PRMT7: variants seen among roughly 807,000 people sequenced by gnomAD.
PRMT7 encodes the protein protein arginine methyltransferase 7.
In PRMT7, 75 loss-of-function variants were observed where a neutral mutation model predicts 85.4. The observed-to-expected ratio is 0.88, with a 90% CI of 0.73 to 1.06. The LOEUF (loss-of-function observed/expected upper bound fraction) is 1.06. PRMT7 is among the 50% of genes least tolerant of loss of function. PRMT7 has a pLI of 0.00. For missense variants in PRMT7, 868 were observed against 915.2 expected (o/e 0.95, Z 0.67); for synonymous variants, 397 against 359.5 (o/e 1.10, Z -1.18).
chr16:68,329,896 CACAT>C (rs1393776386), intron 6 of PRMT7, among the ~76,000 whole-genome samples: 4 of 151,846 alleles, frequency 2.6e-5, no homozygotes, highest in Non-Finnish European at 4.4e-5. Context: ...CACACACACA[CACAT>C]ATTTTTTTTT....
At chr16:68,353,254 C>T (rs1430446486) in intron 15 of PRMT7, 2 of 736,174 alleles carry the variant, frequency 2.7e-6, no homozygotes. Flanking sequence ...AGCCTAGGAG[C>T]TCTGGCCGAC....
intron 4 of PRMT7, chr16:68,324,348 G>C (rs1032906199): frequency 3.1e-6 from 1 of 323,256 alleles, no homozygotes; most frequent in Non-Finnish European, 5.8e-6. Flanking sequence ...AAAGGAGCAA[G>C]CCTGCTCTGT....
chr16:68,326,038 T>TTTATTTTTAATTAAATTA (rs1217686473), intron 5 of PRMT7, among the ~76,000 whole-genome samples: 1 of 152,192 alleles, frequency 6.6e-6, no homozygotes, highest in Non-Finnish European at 1.5e-5. Context: ...AATTAAAAAT[T>TTTATTTTTAATTAAATTA]AAACATGTTA....
chr16:68,311,589 A>C (rs567671208), intron 1 of PRMT7: 1 of 152,630 alleles, frequency 6.6e-6, no homozygotes, highest in African/African-American at 2.4e-5. Context: ...CGCCTTTCCG[A>C]AGTCGACAAG....
At chr16:68,331,075 C>T (rs895425014) in intron 6 of PRMT7, among the ~76,000 whole-genome samples, 2 of 152,128 alleles carry the variant, frequency 1.3e-5, no homozygotes, top group African/African-American at 2.4e-5. Context: ...TCCATCATGC[C>T]CAAAGAGATT....
In PRMT7 at chr16:68,352,560, G is replaced by A. The variant is rs2087572402; in HGVS notation, c.1575+151G>A. 7.9e-6 allele frequency: 5 copies of A among 631,328 alleles called. No individual in the cohort carries two copies. The South Asian group carries it at 1.4e-4, about 17-fold the overall frequency. 39.1% of individuals were successfully genotyped at this position (631,328 alleles called of 1,614,324 possible). On this transcript the variant is annotated intron_variant, in intron 15 of 18. Transcript: ENST00000441236. The stretch of plus-strand genomic sequence containing the variant: ...TTCTGTGTCAGCACACTGTGGGGTT[G>A]AATAGAAGATGCTTGCCTTTTAAAA...
At chr16:68,353,662 T>C (rs2087778419) in intron 16 of PRMT7, 96 bp downstream of exon 16, 3 of 1,215,720 alleles carry the variant, frequency 2.5e-6, no homozygotes, top group Admixed American at 5.7e-5. Flanking sequence ...GCTCTTCTGT[T>C]GGGGGCAGTG....
intron 16 of PRMT7, among the ~76,000 whole-genome samples, chr16:68,353,867 T>G (rs976054426): frequency 6.6e-6 from 1 of 152,198 alleles, no homozygotes; most frequent in Non-Finnish European, 1.5e-5. Flanking sequence ...GGGAACCTTC[T>G]TAGGCAGCCA....
chr16:68,352,155 G>T, intron 14 of PRMT7, 93 bp from the exon 15 acceptor site: 1 of 1,367,904 alleles, frequency 7.3e-7, no homozygotes. Context: ...AGTGACTTGA[G>T]TGACTGAGTG....
chr16:68,348,734 C>T (rs957056317), intron 14 of PRMT7, among the ~76,000 whole-genome samples: 3 of 149,780 alleles, frequency 2.0e-5, no homozygotes, highest in African/African-American at 7.4e-5. Context: ...CCTCGACCTT[C>T]CAGCCTCAAG....
chr16:68,334,609 A>G (rs2084380734), intron 6 of PRMT7, among the ~76,000 whole-genome samples: 1 of 152,140 alleles, frequency 6.6e-6, no homozygotes, highest in Non-Finnish European at 1.5e-5. Context: ...GAGCCAACCC[A>G]GGGAGCAGCG....
chr16:68,345,567 A>G, intron 9 of PRMT7, 108 bp from the exon 10 acceptor site: 2 of 1,485,488 alleles, frequency 1.3e-6, no homozygotes, highest in African/African-American at 1.4e-5. Context: ...GCTGTAGTCT[A>G]CATTGTGGAC....
At chr16:68,353,335 A>G (rs1018160766) in intron 15 of PRMT7, 157 bp from the exon 16 acceptor site, 103 of 1,450,644 alleles carry the variant, frequency 7.1e-5, no homozygotes, top group Non-Finnish European at 1.4e-5. Flanking sequence ...AGTCTGTTAC[A>G]GAAACCGTTG....
intron 13 of PRMT7, 90 bp downstream of exon 13, chr16:68,347,768 AAGG>A: frequency 1.6e-6 from 2 of 1,257,754 alleles, no homozygotes; most frequent in Non-Finnish European, 2.3e-6. Flanking sequence ...CAGGGGAACA[AAGG>A]AGTGGTGGCT....
intron 4 of PRMT7, chr16:68,323,949 T>C (rs948046448): frequency 1.8e-4 from 27 of 152,238 alleles, no homozygotes; most frequent in African/African-American, 6.5e-4. Flanking sequence ...AAAGAAGTTA[T>C]TTTCTGATGG....
At chr16:68,311,146 G>T (rs916559083) in intron 1 of PRMT7, 47 bp downstream of exon 1, 1 of 653,456 alleles carries the variant, frequency 1.5e-6, no homozygotes, top group Non-Finnish European at 2.8e-6. Flanking sequence ...TTGGGGTTCT[G>T]TGTGCAGCGA....
At position 68,313,493 on chromosome 16, in the gene PRMT7, A is replaced by G. The variant is rs1276221334; in HGVS notation, c.-84+1317A>G. Among the ~76,000 whole-genome samples, 6 of 152,174 alleles carry G rather than the reference A, an allele frequency of 3.9e-5. 1 individual carries two copies. Among genetic ancestry groups the G allele is most frequent in the Non-Finnish European group, 7.3e-5 (5 of 68,032 alleles). On this transcript the variant is annotated intron_variant, in intron 2 of 18. Transcript: ENST00000441236. ...ATTGATATAATGTGCATGATTGTCT[A>G]AGCCTTTCTAATTGGATGAAATGCC... is the stretch of plus-strand genomic sequence containing the variant.
chr16:68,331,712 G>A (rs1320016682), intron 6 of PRMT7, among the ~76,000 whole-genome samples: 5 of 152,188 alleles, frequency 3.3e-5, no homozygotes, highest in Middle Eastern at 3.4e-3. Flanking sequence ...GGGCTCAAGC[G>A]ATTCTCCCAC....
intron 15 of PRMT7, chr16:68,352,698 G>T (rs1054135265): frequency 7.3e-6 from 2 of 273,746 alleles, no homozygotes; most frequent in Non-Finnish European, 1.4e-5. Flanking sequence ...GCCATGCCGT[G>T]TGGCCTGCTC....
Sources: gnomAD v4.1 joint callset for allele counts (sites outside exome capture counted in the v4.1 genomes callset) on GRCh38, gnomAD v4.1.1 for gene constraint, MANE v1.5 for transcripts, NCBI Gene and HGNC (gene_info 2026-07-23, HGNC 2026-07-21) for gene names.